ZNRF1: variants seen among roughly 807,000 people sequenced by gnomAD.
ZNRF1 encodes the protein E3 ubiquitin-protein ligase ZNRF1.
ZNRF1 carries 3 observed loss-of-function variants against 18.4 expected under a neutral mutation model. That is an observed-to-expected ratio of 0.16 (90% CI 0.07 to 0.42). The LOEUF is 0.42. Ranked by LOEUF, ZNRF1 falls within the 10% of genes least tolerant of loss-of-function variation. ZNRF1 has a pLI of 0.99. For missense variants in ZNRF1, 310 were observed against 329.8 expected (o/e 0.94, Z 0.47); for synonymous variants, 157 against 144.2 (o/e 1.09, Z -0.64).
At chr16:75,001,801 T>G (rs2034853141) in intron 1 of ZNRF1, among the ~76,000 whole-genome samples, 1 of 152,206 alleles carries the variant, frequency 6.6e-6, no homozygotes, top group Admixed American at 6.5e-5. Flanking sequence ...TTATTTATTA[T>G]GCTACTACCA....
chr16:75,050,904 A>AAAAAAC (rs1567478947), intron 1 of ZNRF1, among the ~76,000 whole-genome samples: 6 of 128,492 alleles, frequency 4.7e-5, no homozygotes, highest in African/African-American at 1.8e-4. Flanking sequence ...AAAAACAAAA[A>AAAAAAC]ACTTGTAGCC....
chr16:75,040,020 C>A (rs1437955078), intron 1 of ZNRF1, among the ~76,000 whole-genome samples: 4 of 128,336 alleles, frequency 3.1e-5, no homozygotes, highest in East Asian at 2.1e-4. Context: ...TCACTAAAAT[C>A]TTTTGTTTCT....
At chr16:75,073,337 T>C (rs1025684129) in intron 1 of ZNRF1, among the ~76,000 whole-genome samples, 2 of 152,114 alleles carry the variant, frequency 1.3e-5, no homozygotes, top group African/African-American at 4.8e-5. Flanking sequence ...CTCCCTCCAG[T>C]GCATGGTGTT....
At chr16:75,107,209 G>C (rs368608435) in intron 4 of ZNRF1, 1 of 173,914 alleles carries the variant, frequency 5.7e-6, no homozygotes, top group African/African-American at 2.4e-5. Context: ...TCTCCCCCAG[G>C]GGTACCCCAC....
At chr16:75,030,739 T>A (rs2035290828) in intron 1 of ZNRF1, among the ~76,000 whole-genome samples, 1 of 152,206 alleles carries the variant, frequency 6.6e-6, no homozygotes, top group East Asian at 1.9e-4. Flanking sequence ...ATAAATGGGA[T>A]AATATATAAC....
chr16:75,005,767 A>T (rs2034909031), intron 1 of ZNRF1, among the ~76,000 whole-genome samples: 1 of 152,228 alleles, frequency 6.6e-6, no homozygotes, highest in Admixed American at 6.5e-5. Context: ...ATATACTGTG[A>T]TAAAAGTTAT....
intron 1 of ZNRF1, among the ~76,000 whole-genome samples, chr16:75,031,045 C>A (rs1427785747): frequency 3.3e-5 from 5 of 151,622 alleles, no homozygotes; most frequent in African/African-American, 1.2e-4. Context: ...ACCACATTAA[C>A]CAGGCTCGTC....
In ZNRF1 at chr16:75,108,912, CT is replaced by C. The variant is rs2036347887; in HGVS notation, c.*1213del. On this transcript the variant is annotated 3_prime_UTR_variant, in exon 5 of 5. Transcript: ENST00000335325. Reference sequence around the variant, plus strand: ...GCGTGCCTCCTACAAGCTTCCTAACCTCTTAAGCATCATGGAACCAGTCAGC... The same window carrying C: ...GCGTGCCTCCTACAAGCTTCCTAACCCTTAAGCATCATGGAACCAGTCAGC... 4.6e-6 allele frequency: 1 copy of C among 218,824 alleles called. No individual in the cohort carries two copies. The highest frequency in any genetic ancestry group is 8.8e-6 in the Non-Finnish European group (1 of 113,020). The allele number at this position is 218,824 out of a possible 1,614,324, so 13.6% of individuals were successfully genotyped here. A position where few individuals can be genotyped will look rare whatever the true frequency, so the allele number is the denominator to read the frequency against.
intron 1 of ZNRF1, among the ~76,000 whole-genome samples, chr16:75,075,541 C>T (rs114117384): frequency 1.2e-3 from 184 of 152,270 alleles, no homozygotes; most frequent in African/African-American, 4.3e-3. Flanking sequence ...GGCTGACTGC[C>T]CTTAATTTGT....
chr16:75,020,940 T>C (rs1291747873), intron 1 of ZNRF1, among the ~76,000 whole-genome samples: 2 of 152,230 alleles, frequency 1.3e-5, no homozygotes, highest in African/African-American at 4.8e-5. Flanking sequence ...GCATGCTTCA[T>C]TAAAATCTTA....
chr16:75,108,755 A>T lies in ZNRF1; in HGVS notation c.*1055A>T, dbSNP rs1242425843. ...TTAATGAAGTGTTATACAATCAAGAAATGGGGGCAAGGGCCTGCCCCCCAC... is the reference window on the plus strand; with the variant it reads ...TTAATGAAGTGTTATACAATCAAGATATGGGGGCAAGGGCCTGCCCCCCAC... On this transcript the variant is annotated 3_prime_UTR_variant, in exon 5 of 5. Coordinates refer to ENST00000335325, the MANE Select transcript of ZNRF1 (RefSeq NM_032268.5). 2.6e-6 allele frequency: 1 copy of T among 384,264 alleles called. No individual in the cohort carries two copies. Among genetic ancestry groups the T allele is most frequent in the Non-Finnish European group, 4.6e-6 (1 of 218,156 alleles). 23.8% of individuals were successfully genotyped at this position (384,264 alleles called of 1,614,324 possible).
At position 74,999,553 on chromosome 16, in the gene ZNRF1, C is replaced by T. The variant is rs937315113; in HGVS notation, c.-119C>T. On this transcript the variant is annotated 5_prime_UTR_variant, in exon 1 of 5. Coordinates refer to ENST00000335325, the MANE Select transcript of ZNRF1 (RefSeq NM_032268.5). ...CCTTTTGCTTTTTTTCCTTTTCTCC[C>T]TCCGGGTCTCCTTTTTGACTCCCTC... is the stretch of plus-strand genomic sequence containing the variant. 1.7e-5 allele frequency: 12 copies of T among 726,874 alleles called. No individual in the cohort carries two copies. In the African/African-American group the frequency reaches 2.0e-4, roughly 12 times the overall value. The allele number at this position is 726,874 out of a possible 1,614,324, so 45.0% of individuals were successfully genotyped here.
rs948904453 is a variant in ZNRF1 at position 75,109,750 on chromosome 16, A to G, written c.*2050A>G. ...ATTTCACATGTGAAGCGGGGACAAA[A>G]CCATGCAGCTCAGAGGTCCCTGTGG... is the stretch of plus-strand genomic sequence containing the variant. On this transcript the variant is annotated 3_prime_UTR_variant, in exon 5 of 5. Transcript: ENST00000335325. The G allele has an allele frequency of 7.2e-5, 11 of 152,218 alleles. No homozygotes were observed. The allele number at this position is 152,218 out of a possible 1,614,324, so 9.4% of individuals were successfully genotyped here.
intron 1 of ZNRF1, among the ~76,000 whole-genome samples, chr16:75,085,957 C>T (rs1417913161): frequency 1.3e-5 from 2 of 151,896 alleles, no homozygotes; most frequent in East Asian, 1.9e-4. Context: ...AGTTCCAGTT[C>T]GAGTTTGAAG....
At chr16:75,011,097 C>A (rs1258565046) in intron 1 of ZNRF1, among the ~76,000 whole-genome samples, 2 of 152,180 alleles carry the variant, frequency 1.3e-5, no homozygotes, top group African/African-American at 2.4e-5. Flanking sequence ...GCACATACTT[C>A]TTAGCTTTTT....
chr16:75,027,400 A>G (rs939815982), intron 1 of ZNRF1, among the ~76,000 whole-genome samples: 8 of 152,356 alleles, frequency 5.3e-5, no homozygotes, highest in South Asian at 4.1e-4. Context: ...AGCTGGGCCT[A>G]TGACATTCTT....
chr16:75,039,842 T>C (rs1597873791), intron 1 of ZNRF1, among the ~76,000 whole-genome samples: 1 of 152,182 alleles, frequency 6.6e-6, no homozygotes, highest in Non-Finnish European at 1.5e-5. Context: ...TACCAGAAAG[T>C]ATCCCAAAAG....
rs1050216767 is a variant in ZNRF1, at chr16:75,073,043, C to T, written c.425-20529C>T. The stretch of plus-strand genomic sequence containing the variant: ...AGTAGCTCACGCCTGTAATCCCATA[C>T]TTTGGGAGGCCAAGGTGGGAGGAAT... On this transcript the variant is annotated intron_variant, in intron 1 of 4. Transcript: ENST00000335325. Among the ~76,000 whole-genome samples the T allele has an allele frequency of 1.4e-4, 21 of 152,070 alleles. No individual in the cohort carries two copies. The South Asian group carries it at 4.1e-3, about 30-fold the overall frequency.
chr16:75,018,174 G>A (rs1416645856), intron 1 of ZNRF1, among the ~76,000 whole-genome samples: 5 of 152,164 alleles, frequency 3.3e-5, no homozygotes, highest in African/African-American at 1.2e-4. Flanking sequence ...TAATGTCACT[G>A]GATAAAGCTT....
Sources: gnomAD v4.1 joint callset for allele counts (sites outside exome capture counted in the v4.1 genomes callset) on GRCh38, gnomAD v4.1.1 for gene constraint, MANE v1.5 for transcripts, NCBI Gene and HGNC (gene_info 2026-07-23, HGNC 2026-07-21) for gene names.